Variants in BRAF observed in about 807,000 individuals in gnomAD.
BRAF encodes the protein B-Raf proto-oncogene, serine/threonine kinase, also known as serine/threonine-protein kinase B-raf.
In BRAF, 16 loss-of-function variants were observed where a neutral mutation model predicts 104.6. That is an observed-to-expected ratio of 0.15 (90% CI 0.10 to 0.23). The LOEUF (loss-of-function observed/expected upper bound fraction) is 0.23, where lower values mean the gene tolerates loss of function less well. Among genes scored for constraint, BRAF ranks in the 10% least tolerant of loss-of-function variants. The pLI, the probability that BRAF is intolerant of heterozygous loss-of-function variation, is 1.00. For synonymous variants in BRAF, 310 were observed against 341.6 expected (o/e 0.91, Z 1.02); for missense variants, 541 against 937.3 (o/e 0.58, Z 5.52).
rs756120029 is a variant in BRAF, at chr7:140,801,424, T to C, written c.848A>G (p.Tyr283Cys). ...TTGGATTACTTACTCAAGTTGGTCA[T>C]AATTAACACACATCAGTGGAACTTC... The part of the protein sequence containing the change: ...STEVPLMCVN[Y>C]DQLDLLFVSK... Residue 283 changes from tyrosine to cysteine, a missense_variant, in exon 6 of 20, where the codon TAT becomes TGT. Tyr to Cys is a radical substitution (Grantham distance 194). This residue lies in a region of BRAF where 19 missense variants were observed against 51.8 expected (regional missense o/e 0.37). Coordinates refer to ENST00000644969, the MANE Select transcript of BRAF (RefSeq NM_001374258.1). 6.2e-7 allele frequency: 1 copy of C among 1,613,900 alleles called. No homozygotes were observed. The highest frequency in any genetic ancestry group is 1.1e-5 in the South Asian group (1 of 91,074).
intron 14 of BRAF, among the ~76,000 whole-genome samples, chr7:140,755,722 C>T (rs1798147191): frequency 6.6e-6 from 1 of 151,976 alleles, no homozygotes; most frequent in South Asian, 2.1e-4. Flanking sequence ...CAGTGACATA[C>T]AAAGTTAAAA....
At chr7:140,818,745 C>T (rs1805156434) in intron 3 of BRAF, among the ~76,000 whole-genome samples, 1 of 152,176 alleles carries the variant, frequency 6.6e-6, no homozygotes, top group Non-Finnish European at 1.5e-5. Flanking sequence ...CTATATACAA[C>T]TTATTAAGTA....
At chr7:140,907,380 G>A (rs1003424629) in intron 1 of BRAF, among the ~76,000 whole-genome samples, 2 of 151,888 alleles carry the variant, frequency 1.3e-5, no homozygotes, top group African/African-American at 4.8e-5. Context: ...TCCTGCCTCA[G>A]CCTCCCGAAT....
At chr7:140,893,800 T>C (rs73502739) in intron 1 of BRAF, among the ~76,000 whole-genome samples, 9,702 of 152,068 alleles carry the variant, frequency 0.064, 959 homozygotes, top group African/African-American at 0.22. Flanking sequence ...CATCTATCAC[T>C]ATCAAATGCA....
intron 10 of BRAF, 152 bp from the exon 10 acceptor site, chr7:140,783,309 C>A (rs71645965): frequency 1.1e-6 from 1 of 881,164 alleles, no homozygotes; most frequent in South Asian, 1.8e-5. Context: ...CAAAAAGGGG[C>A]CTCATTTGGT....
At chr7:140,714,081 C>T in the BRAF span, among the ~76,000 whole-genome samples, 4,176 of 152,208 alleles carry the variant, frequency 0.027, 188 homozygotes, top group African/African-American at 0.093. Context: ...GCAGTCTGCC[C>T]GTTCTCAGAT....
chr7:140,762,080 A>C (rs1471715089), intron 14 of BRAF, among the ~76,000 whole-genome samples: 1 of 152,164 alleles, frequency 6.6e-6, no homozygotes, highest in African/African-American at 2.4e-5. Context: ...AATCAACAGA[A>C]TATACATTTT....
chr7:140,789,947 C>G (rs1474123400), intron 8 of BRAF, among the ~76,000 whole-genome samples: 1 of 152,192 alleles, frequency 6.6e-6, no homozygotes, highest in Non-Finnish European at 1.5e-5. Context: ...CCAGGCTGGT[C>G]TTGAACTCCT....
At chr7:140,737,927 C>A (rs556923238) in intron 18 of BRAF, among the ~76,000 whole-genome samples, 3 of 152,288 alleles carry the variant, frequency 2.0e-5, no homozygotes, top group African/African-American at 7.2e-5. Context: ...TGGAGCTAAG[C>A]ATTTTGCCCC....
Position 140,720,575 on chromosome 7 carries a change from T to G in BRAF, c.*5919A>C. 1 of 1,065,662 alleles carries G rather than the reference T, an allele frequency of 9.4e-7. No individual in the cohort carries two copies. The highest frequency in any genetic ancestry group is 1.1e-6 in the Non-Finnish European group (1 of 879,548). The allele number at this position is 1,065,662 out of a possible 1,614,324, so 66.0% of individuals were successfully genotyped here. A position where few individuals can be genotyped will look rare whatever the true frequency, so the allele number is the denominator to read the frequency against. On this transcript the variant is annotated 3_prime_UTR_variant, in exon 20 of 20. Transcript: ENST00000644969. Reference sequence around the variant, plus strand: ...CGTTCACAGCTTAGAATAAAAAGCATACTTATTGCACTCTTACATTTGATT... The same window carrying G: ...CGTTCACAGCTTAGAATAAAAAGCAGACTTATTGCACTCTTACATTTGATT...
intron 16 of BRAF, among the ~76,000 whole-genome samples, chr7:140,751,723 G>A (rs1797807479): frequency 6.6e-6 from 1 of 152,062 alleles, no homozygotes; most frequent in Non-Finnish European, 1.5e-5. Context: ...TCCACTTACT[G>A]TCATAAGAAA....
intron 1 of BRAF, among the ~76,000 whole-genome samples, chr7:140,881,044 T>C (rs972757626): frequency 6.6e-6 from 1 of 152,174 alleles, no homozygotes; most frequent in Non-Finnish European, 1.5e-5. Flanking sequence ...TGATCAGGTA[T>C]ATTATCAACG....
intron 1 of BRAF, among the ~76,000 whole-genome samples, chr7:140,877,334 C>G (rs988318610): frequency 2.1e-5 from 3 of 146,278 alleles, no homozygotes; most frequent in Non-Finnish European, 3.0e-5. Flanking sequence ...AATCTAGTTT[C>G]AAACTCCTAG....
intron 1 of BRAF, among the ~76,000 whole-genome samples, chr7:140,871,285 A>G (rs1354093761): frequency 6.6e-6 from 1 of 150,488 alleles, no homozygotes. Flanking sequence ...CTTTGCCCCC[A>G]TATATTTGTA....
chr7:140,763,360 A>G (rs1798966759), intron 14 of BRAF, among the ~76,000 whole-genome samples: 1 of 128,438 alleles, frequency 7.8e-6, no homozygotes, highest in South Asian at 2.8e-4. Flanking sequence ...TCCCTCCCGG[A>G]CGGGGCAGCT....
intron 1 of BRAF, among the ~76,000 whole-genome samples, chr7:140,864,132 A>G (rs1201287027): frequency 6.6e-6 from 1 of 152,318 alleles, no homozygotes. Flanking sequence ...AGGGAGGAAG[A>G]CTAGTTGAAA....
At chr7:140,737,166 TTATAG>T (rs1246425985) in intron 18 of BRAF, among the ~76,000 whole-genome samples, 2 of 152,238 alleles carry the variant, frequency 1.3e-5, no homozygotes, top group African/African-American at 2.4e-5. Flanking sequence ...CTTTTTCTTA[TTATAG>T]TAAACATTCT....
At chr7:140,747,504 TG>T in intron 17 of BRAF, 1 of 778,410 alleles carries the variant, frequency 1.3e-6, no homozygotes, top group East Asian at 6.5e-5. Context: ...ATCTGTATTT[TG>T]GAGATAATAC....
chr7:140,924,609 C>A lies in BRAF; in HGVS notation c.95G>T (p.Gly32Val). The A allele has an allele frequency of 6.5e-7, 1 of 1,526,850 alleles. No individual in the cohort carries two copies. The highest frequency in any genetic ancestry group is 1.2e-5 in the South Asian group (1 of 83,750). The allele number at this position is 1,526,850 out of a possible 1,614,324, so 94.6% of individuals were successfully genotyped here. ...GTCCGCAGCCGAAGAGGCCGCGGCG[C>A]CGGCGCCGGCGCCGGCCTCGGGCTC... ...DMEPEAGAGA[G>V]AAASSAADPA... The change falls in exon 1 of 20, where the codon GGC (glycine) becomes GTC (valine). Residue 32 changes from glycine to valine, a missense_variant. By Grantham distance (109) the Gly-to-Val change is moderately radical (BLOSUM62 -3). Transcript: ENST00000644969. The surrounding 1 kb of genome is among the most constrained non-coding windows in gnomAD (Gnocchi z 4.2).
Sources: allele counts gnomAD v4.1 joint callset (sites outside exome capture counted in the v4.1 genomes callset), GRCh38; gene constraint gnomAD v4.1.1; regional missense constraint gnomAD v4.1.1; non-coding constraint Gnocchi (gnomAD v3.1); transcripts MANE v1.5; gene names NCBI Gene and HGNC (gene_info 2026-07-23, HGNC 2026-07-21).